Variants in SYTL2 observed in about 807,000 individuals in gnomAD.
SYTL2 encodes the protein synaptotagmin-like protein 2.
SYTL2 carries 165 observed loss-of-function variants against 198.7 expected under a neutral mutation model. The observed-to-expected ratio is 0.83, with a 90% CI of 0.73 to 0.94. The LOEUF (loss-of-function observed/expected upper bound fraction) is 0.94, where lower values mean the gene tolerates loss of function less well. Ranked by LOEUF, SYTL2 falls within the 40% of genes least tolerant of loss-of-function variation. SYTL2 has a pLI of 0.00. For missense variants in SYTL2, 2,835 were observed against 2,582.8 expected (o/e 1.10, Z -2.12); for synonymous variants, 966 against 917.7 (o/e 1.05, Z -0.95).
intron 1 of SYTL2, among the ~76,000 whole-genome samples, chr11:85,776,538 T>C (rs1011252915): frequency 2.6e-5 from 4 of 152,200 alleles, no homozygotes; most frequent in Non-Finnish European, 4.4e-5. Context: ...CTGAGAATGA[T>C]GGTTTCCAGC....
At chr11:85,739,804 T>C (rs2153505925) in intron 4 of SYTL2, among the ~76,000 whole-genome samples, 1 of 152,274 alleles carries the variant, frequency 6.6e-6, no homozygotes, top group South Asian at 2.1e-4. Context: ...AACCCAGGTG[T>C]GTCTGACTCC....
chr11:85,821,991 A>T, the SYTL2 span, among the ~76,000 whole-genome samples: 1 of 149,796 alleles, frequency 6.7e-6, no homozygotes, highest in Admixed American at 6.6e-5. Flanking sequence ...GTTGGGCCTC[A>T]TAGAGAGCCC....
Position 85,724,902 on chromosome 11 carries a change from T to C in SYTL2, c.4456A>G (p.Thr1486Ala), listed in dbSNP as rs775221618. 8 of 1,614,068 alleles carry C rather than the reference T, an allele frequency of 5.0e-6. No homozygotes were observed. The African/African-American group carries it at 8.0e-5, about 16-fold the overall frequency. The change falls in exon 8 of 20, where the codon ACA becomes GCA. Residue 1486 changes from threonine to alanine, a missense_variant. Physicochemically the swap from Thr to Ala is moderately conservative, Grantham distance 58. Transcript: ENST00000359152. ...AACTCTGATTTGGGTTGAACAATTG[T>C]TTCCCTCACAATTTCTTCCACTTCC... Reference protein sequence around the residue: ...PQEVEEIVRETIVQPKSEFLE... With the variant: ...PQEVEEIVREAIVQPKSEFLE...
rs566151505 is a variant in SYTL2 at position 85,724,138 on chromosome 11, C to T, written c.5220G>A (p.Ser1740=). 3.3e-5 allele frequency: 53 copies of T among 1,598,620 alleles called. No individual in the cohort carries two copies. Among genetic ancestry groups the T allele is most frequent in the Admixed American group, 5.4e-5 (3 of 55,382 alleles). ...KTSKVELTLA[S]PYMKQEKEEE... ...CCTCTTTCTCTTGTTTCATATATGG[C>T]GATGCTAGAGTCAATTCAACTTTAC... The change falls in exon 8 of 20, where the codon TCG becomes TCA. Residue 1740 remains serine, a synonymous_variant. Coordinates refer to ENST00000359152, the MANE Select transcript of SYTL2 (RefSeq NM_206927.4).
intron 1 of SYTL2, among the ~76,000 whole-genome samples, chr11:85,779,636 T>TG (rs1464234260): frequency 1.0e-5 from 1 of 98,252 alleles, no homozygotes; most frequent in Non-Finnish European, 2.5e-5. Context: ...ACTCATCAAG[T>TG]GTTTTTTTTT....
intron 1 of SYTL2, among the ~76,000 whole-genome samples, chr11:85,791,179 A>AAC (rs2092724814): frequency 6.7e-6 from 1 of 150,374 alleles, no homozygotes; most frequent in Non-Finnish European, 1.5e-5. Flanking sequence ...AAAAAAAAAA[A>AAC]AAAAAAAAAA....
At chr11:85,838,260 A>G in the SYTL2 span, among the ~76,000 whole-genome samples, 1 of 152,222 alleles carries the variant, frequency 6.6e-6, no homozygotes, top group Non-Finnish European at 1.5e-5. Flanking sequence ...GTGAAGAGAA[A>G]AAAATTCTTG....
chr11:85,835,553 T>C, the SYTL2 span, among the ~76,000 whole-genome samples: 1,352 of 152,322 alleles, frequency 8.9e-3, 22 homozygotes, highest in African/African-American at 0.032. Context: ...TCTATACAAA[T>C]GCTTATTTGG....
At chr11:85,768,021 G>C (rs2092279547) in intron 1 of SYTL2, among the ~76,000 whole-genome samples, 1 of 152,058 alleles carries the variant, frequency 6.6e-6, no homozygotes, top group South Asian at 2.1e-4. Flanking sequence ...AGACACCCAG[G>C]GCACATAGTT....
intron 1 of SYTL2, among the ~76,000 whole-genome samples, chr11:85,807,830 G>A (rs1197223956): frequency 6.6e-6 from 1 of 152,080 alleles, no homozygotes; most frequent in East Asian, 1.9e-4. Context: ...GGTGAACTTC[G>A]GGGCTCACAA....
At position 85,725,328 on chromosome 11, in the gene SYTL2, T is replaced by C. The variant is rs1591752075; in HGVS notation, c.4030A>G (p.Arg1344Gly). 2 of 1,614,020 alleles carry C rather than the reference T, an allele frequency of 1.2e-6. No homozygotes were observed. Among genetic ancestry groups the C allele is most frequent in the South Asian group, 2.2e-5 (2 of 91,076 alleles). ...ATTTCCGTTTGAGAAGGGTGTACCC[T>C]AGCCTGGGGAACAAGATGAGCATCC... ...PQDAHLVPQA[R>G]VHPSQTEISE... is the part of the protein sequence containing the mutation. The change falls in exon 8 of 20, where the codon AGG becomes GGG. Residue 1344 changes from arginine to glycine, a missense_variant. This residue lies in a region of SYTL2 where 2,645 missense variants were observed against 2,381.7 expected (regional missense o/e 1.11). Coordinates refer to ENST00000359152, the MANE Select transcript of SYTL2 (RefSeq NM_206927.4).
chr11:85,781,003 G>A (rs1368097436), intron 1 of SYTL2, among the ~76,000 whole-genome samples: 1 of 152,172 alleles, frequency 6.6e-6, no homozygotes, highest in African/African-American at 2.4e-5. Context: ...GAAAACCCCT[G>A]CACATCTGGG....
chr11:85,833,098 A>AGAAAGAAAGAAAGAAAGAAAGAAAGAAG, the SYTL2 span, among the ~76,000 whole-genome samples: 2 of 32,472 alleles, frequency 6.2e-5, no homozygotes, highest in East Asian at 1.6e-3. Context: ...AAAGAAAGAA[A>AGAAAGAAAGAAAGAAAGAAAGAAAGAAG]GAAGGAAGGA....
the SYTL2 span, among the ~76,000 whole-genome samples, chr11:85,832,841 T>A: frequency 0.016 from 2,345 of 148,766 alleles, 32 homozygotes; most frequent in Non-Finnish European, 0.024. Context: ...AAAAAAAAAA[T>A]TTTAATTAGC....
At chr11:85,756,507 A>T (rs1460077966) in intron 2 of SYTL2, among the ~76,000 whole-genome samples, 1 of 152,108 alleles carries the variant, frequency 6.6e-6, no homozygotes, top group Non-Finnish European at 1.5e-5. Flanking sequence ...CTCACTTCTG[A>T]CACCTACCAG....
At chr11:85,787,210 G>A (rs200312152) in intron 1 of SYTL2, among the ~76,000 whole-genome samples, 6 of 152,064 alleles carry the variant, frequency 3.9e-5, no homozygotes, top group African/African-American at 1.4e-4. Flanking sequence ...CTGAACCTGC[G>A]ATTTCCCATT....
intron 2 of SYTL2, among the ~76,000 whole-genome samples, chr11:85,749,610 CCTCT>C: frequency 6.6e-6 from 1 of 152,168 alleles, no homozygotes; most frequent in East Asian, 1.9e-4. Flanking sequence ...ACAGGAACTT[CCTCT>C]CTTTGTCATG....
intron 1 of SYTL2, among the ~76,000 whole-genome samples, chr11:85,769,716 G>T (rs2092318475): frequency 6.6e-6 from 1 of 152,192 alleles, no homozygotes; most frequent in Non-Finnish European, 1.5e-5. Context: ...GGCTGAAGAA[G>T]AGACCCAAAG....
At chr11:85,848,568 G>T in the SYTL2 span, among the ~76,000 whole-genome samples, 1 of 151,970 alleles carries the variant, frequency 6.6e-6, no homozygotes, top group Non-Finnish European at 1.5e-5. Context: ...TGCTTATCGA[G>T]TTACTTTTAC....
Sources: allele counts gnomAD v4.1 joint callset (sites outside exome capture counted in the v4.1 genomes callset), GRCh38; gene constraint gnomAD v4.1.1; regional missense constraint gnomAD v4.1.1; transcripts MANE v1.5; gene names NCBI Gene and HGNC (gene_info 2026-07-23, HGNC 2026-07-21).